PLXDC2: variants seen among roughly 807,000 people sequenced by gnomAD.
PLXDC2 encodes plexin domain-containing protein 2.
A neutral mutation model predicts 68.9 loss-of-function variants in PLXDC2; 40 were observed. The observed-to-expected ratio is 0.58, with a 90% CI of 0.45 to 0.76. PLXDC2 has a LOEUF of 0.76. Among genes scored for constraint, PLXDC2 ranks in the 30% least tolerant of loss-of-function variants. PLXDC2 has a pLI of 0.00. For missense variants in PLXDC2, 644 were observed against 661.9 expected (o/e 0.97, Z 0.30); for synonymous variants, 243 against 234.2 (o/e 1.04, Z -0.34).
chr10:19,906,954 T>C (rs73601639), intron 1 of PLXDC2, among the ~76,000 whole-genome samples: 17,971 of 152,200 alleles, frequency 0.12, 1,079 homozygotes, highest in African/African-American at 0.15. Flanking sequence ...ATAGCCTGTC[T>C]GTCACCTATT....
chr10:19,921,428 C>T (rs1021329197), intron 1 of PLXDC2, among the ~76,000 whole-genome samples: 2 of 152,132 alleles, frequency 1.3e-5, no homozygotes, highest in African/African-American at 4.8e-5. Context: ...TAATGAGAAC[C>T]TCCCTTCTTC....
intron 4 of PLXDC2, among the ~76,000 whole-genome samples, chr10:20,085,174 A>AT (rs531230469): frequency 1.9e-4 from 28 of 146,064 alleles, no homozygotes; most frequent in African/African-American, 6.8e-4. Context: ...GCTTAAAAAA[A>AT]GGTGGGGGGA....
At chr10:19,819,865 G>A (rs1836430638) in intron 1 of PLXDC2, among the ~76,000 whole-genome samples, 1 of 152,234 alleles carries the variant, frequency 6.6e-6, no homozygotes, top group Admixed American at 6.5e-5. Context: ...TAAAGTTTCT[G>A]TTTACATATA....
intron 4 of PLXDC2, among the ~76,000 whole-genome samples, chr10:20,101,748 C>T (rs1833424268): frequency 4.0e-5 from 6 of 151,834 alleles, no homozygotes; most frequent in Admixed American, 3.9e-4. Context: ...GAAACATTCT[C>T]TTCTTCTAGA....
rs1311442451 is a variant in PLXDC2, at chr10:20,193,863, C to G, written c.1061+16454C>G. 2.6e-5 allele frequency among the ~76,000 whole-genome samples: 4 copies of G among 152,048 alleles called. No individual in the cohort carries two copies. In the South Asian group the frequency reaches 8.3e-4, roughly 32 times the overall value. On this transcript the variant is annotated intron_variant, in intron 9 of 13. Coordinates refer to ENST00000377252, the MANE Select transcript of PLXDC2 (RefSeq NM_032812.9). Reference sequence around the variant, plus strand: ...CTGCATAACAGTCTAATGGAATTAGCATTTAGTAATTTGATATTTTGTATG... The same window carrying G: ...CTGCATAACAGTCTAATGGAATTAGGATTTAGTAATTTGATATTTTGTATG...
intron 1 of PLXDC2, among the ~76,000 whole-genome samples, chr10:19,832,620 T>C (rs965462409): frequency 3.3e-5 from 5 of 152,240 alleles, no homozygotes; most frequent in African/African-American, 1.2e-4. Context: ...TTGGAAGATG[T>C]TTCTACTGTC....
intron 1 of PLXDC2, among the ~76,000 whole-genome samples, chr10:19,916,267 T>C (rs905732837): frequency 6.7e-6 from 1 of 150,298 alleles, no homozygotes; most frequent in African/African-American, 2.5e-5. Context: ...TGCCTCAGCC[T>C]CCTGAGTAGC....
chr10:20,016,273 A>G (rs889449141), intron 2 of PLXDC2, among the ~76,000 whole-genome samples: 2 of 152,168 alleles, frequency 1.3e-5, no homozygotes, highest in African/African-American at 4.8e-5. Context: ...ACTGAGGGTT[A>G]GACATAAAAC....
At chr10:20,113,720 A>G (rs1479079844) in intron 4 of PLXDC2, among the ~76,000 whole-genome samples, 1 of 148,434 alleles carries the variant, frequency 6.7e-6, no homozygotes, top group African/African-American at 2.6e-5. Context: ...GGGGAAAAAT[A>G]AAAAAACAGA....
intron 2 of PLXDC2, 45 bp from the exon 3 acceptor site, chr10:20,046,824 T>C: frequency 6.5e-7 from 1 of 1,539,560 alleles, no homozygotes; most frequent in Non-Finnish European, 8.8e-7. Context: ...GAATTGTAGG[T>C]AAAACATCTC....
intron 1 of PLXDC2, among the ~76,000 whole-genome samples, chr10:19,890,306 G>A (rs1448810376): frequency 1.3e-5 from 2 of 152,088 alleles, no homozygotes; most frequent in Admixed American, 6.6e-5. Flanking sequence ...TGGATGTACT[G>A]TGTGTGATGC....
intron 1 of PLXDC2, among the ~76,000 whole-genome samples, chr10:19,996,902 T>C (rs1337425997): frequency 6.6e-6 from 1 of 152,040 alleles, no homozygotes; most frequent in Admixed American, 6.5e-5. Context: ...TCACTATCAC[T>C]AGAACAGCAT....
intron 1 of PLXDC2, among the ~76,000 whole-genome samples, chr10:19,904,775 C>T (rs1838213064): frequency 6.6e-6 from 1 of 152,164 alleles, no homozygotes; most frequent in African/African-American, 2.4e-5. Context: ...CTTCTATCCT[C>T]CATCTTCCTG....
chr10:20,287,979 C>CCGGGGGGGG lies in PLXDC2; in HGVS notation c.*8160_*8161insCGGGGGGGG, dbSNP rs1554781439. ...AGAAGAAATTGGGCACTTCTTGCGGCGGGGGAGGGGGGGGGGGCGGTGGCT... is the reference window on the plus strand; with the variant it reads ...AGAAGAAATTGGGCACTTCTTGCGGCCGGGGGGGGGGGGGAGGGGGGGGGGGCGGTGGCT... On this transcript the variant is annotated 3_prime_UTR_variant, in exon 14 of 14. Transcript: ENST00000377252. 9 of 12,394 alleles carry CCGGGGGGGG rather than the reference C, an allele frequency of 7.3e-4. 1 individual carries two copies. The highest frequency in any genetic ancestry group is 2.3e-3 in the African/African-American group (7 of 2,986). 0.8% of individuals were successfully genotyped at this position (12,394 alleles called of 1,614,324 possible).
intron 6 of PLXDC2, among the ~76,000 whole-genome samples, chr10:20,161,581 A>G (rs904026353): frequency 6.6e-6 from 1 of 152,034 alleles, no homozygotes; most frequent in Non-Finnish European, 1.5e-5. Context: ...CATTACTGCA[A>G]TCAACCCACC....
intron 1 of PLXDC2, among the ~76,000 whole-genome samples, chr10:19,903,010 C>T (rs1169343423): frequency 6.6e-6 from 1 of 152,174 alleles, no homozygotes; most frequent in Non-Finnish European, 1.5e-5. Flanking sequence ...ATCCCTGCAT[C>T]CCTGGTAGGA....
At chr10:20,244,891 G>A (rs965958972) in intron 12 of PLXDC2, among the ~76,000 whole-genome samples, 14 of 152,130 alleles carry the variant, frequency 9.2e-5, no homozygotes, top group Admixed American at 2.0e-4. Context: ...TGAGGCAGGC[G>A]GATCACCTGA....
chr10:20,203,573 A>C (rs11011864), intron 9 of PLXDC2, among the ~76,000 whole-genome samples: 31,617 of 151,780 alleles, frequency 0.21, 4,325 homozygotes, highest in East Asian at 0.4. Flanking sequence ...GACCTCCCAA[A>C]ATGCTGGGAT....
chr10:19,919,305 GTTC>G (rs1233491723), intron 1 of PLXDC2, among the ~76,000 whole-genome samples: 1 of 152,060 alleles, frequency 6.6e-6, no homozygotes, highest in East Asian at 1.9e-4. Context: ...TTACAGTGTT[GTTC>G]TTATTTTGGT....
Sources: gnomAD v4.1 joint callset for allele counts (sites outside exome capture counted in the v4.1 genomes callset) on GRCh38, gnomAD v4.1.1 for gene constraint, MANE v1.5 for transcripts, NCBI Gene and HGNC (gene_info 2026-07-23, HGNC 2026-07-21) for gene names.